The following GLT1D1 variants were observed in gnomAD, a reference collection of about 807,000 sequenced individuals.
GLT1D1 encodes the protein glycosyltransferase 1 domain containing 1, also known as glycosyltransferase 1 domain-containing protein 1.
GLT1D1 carries 21 observed loss-of-function variants against 28.7 expected under a neutral mutation model. That is an observed-to-expected ratio of 0.73 (90% CI 0.52 to 1.05). GLT1D1 has a LOEUF of 1.05. GLT1D1 is among the 50% of genes least tolerant of loss of function. The pLI, the probability that GLT1D1 is intolerant of heterozygous loss-of-function variation, is 0.00. For synonymous variants in GLT1D1, 147 were observed against 124.8 expected (o/e 1.18, Z -1.19); for missense variants, 343 against 330.6 (o/e 1.04, Z -0.29).
intron 1 of GLT1D1, among the ~76,000 whole-genome samples, chr12:128,857,476 G>T (rs535906790): frequency 1.3e-4 from 20 of 151,874 alleles, no homozygotes; most frequent in Middle Eastern, 3.4e-3. Context: ...GGAAGAAAAA[G>T]AAAAAAGCAG....
At chr12:128,925,936 A>G (rs1186233087) in intron 4 of GLT1D1, among the ~76,000 whole-genome samples, 1 of 152,166 alleles carries the variant, frequency 6.6e-6, no homozygotes, top group African/African-American at 2.4e-5. Flanking sequence ...CACGCCTGTA[A>G]TCCCAGCACT....
chr12:128,907,441 G>C (rs1287010927), intron 4 of GLT1D1, among the ~76,000 whole-genome samples: 1 of 151,974 alleles, frequency 6.6e-6, no homozygotes, highest in Non-Finnish European at 1.5e-5. Context: ...GAGTAGCTGG[G>C]ACTACAGGTG....
intron 4 of GLT1D1, among the ~76,000 whole-genome samples, chr12:128,929,284 G>A (rs1310743256): frequency 1.3e-5 from 2 of 152,180 alleles, no homozygotes; most frequent in Admixed American, 6.5e-5. Flanking sequence ...TAAGCTGCCT[G>A]GTCTGCAGCG....
At chr12:128,864,367 A>G (rs1442209657) in intron 1 of GLT1D1, among the ~76,000 whole-genome samples, 1 of 151,864 alleles carries the variant, frequency 6.6e-6, no homozygotes, top group Admixed American at 6.6e-5. Flanking sequence ...AATCCAGAAA[A>G]CTTAGGGAAG....
At chr12:128,853,748 A>C (rs10847702) in intron 1 of GLT1D1, 99 bp downstream of exon 1, 2 of 784,414 alleles carry the variant, frequency 2.5e-6, no homozygotes, top group Admixed American at 5.8e-5. Flanking sequence ...GGCCCCCTCC[A>C]GCCGCGCCGG....
At chr12:128,899,356 C>T in intron 4 of GLT1D1, 69 bp downstream of exon 4, 3 of 1,294,478 alleles carry the variant, frequency 2.3e-6, no homozygotes, top group Non-Finnish European at 3.4e-6. Flanking sequence ...AACCGAAAGG[C>T]AGCCTTACTG....
chr12:128,958,714 C>T (rs1330738946), intron 7 of GLT1D1, among the ~76,000 whole-genome samples: 1 of 118,590 alleles, frequency 8.4e-6, no homozygotes, highest in Non-Finnish European at 1.6e-5. Context: ...CACGCCACTG[C>T]ACTGTGTATA....
In GLT1D1 at chr12:128,954,814, G is replaced by A. The variant is rs184272838; in HGVS notation, c.541-2731G>A. Reference sequence around the variant, plus strand: ...AACATTTTTAAAAACATTAGCTGAGGATGGTGGCATGTGCCTGTAGTCCCA... The same window carrying A: ...AACATTTTTAAAAACATTAGCTGAGAATGGTGGCATGTGCCTGTAGTCCCA... On this transcript the variant is annotated intron_variant, in intron 6 of 7. Transcript: ENST00000281703. Among the ~76,000 whole-genome samples, 50 of 152,252 alleles carry A rather than the reference G, an allele frequency of 3.3e-4. No individual in the cohort carries two copies. The East Asian group carries it at 9.5e-3, about 29-fold the overall frequency.
chr12:128,948,867 A>G (rs1375063078), intron 6 of GLT1D1, among the ~76,000 whole-genome samples: 1 of 152,218 alleles, frequency 6.6e-6, no homozygotes, highest in Non-Finnish European at 1.5e-5. Context: ...TATAAAAGAA[A>G]AAAAAGACCC....
chr12:128,912,754 C>G (rs1217288853), intron 4 of GLT1D1, among the ~76,000 whole-genome samples: 1 of 151,878 alleles, frequency 6.6e-6, no homozygotes, highest in Non-Finnish European at 1.5e-5. Flanking sequence ...CCTCTGCCTC[C>G]TGGGTTAAAG....
In GLT1D1 at chr12:128,900,534, A is replaced by AGCATGGAG. The variant is rs377010992; in HGVS notation, c.375+1249_375+1256dup. Among the ~76,000 whole-genome samples the AGCATGGAG allele has an allele frequency of 3.7e-3, 559 of 152,268 alleles. 7 individuals carry two copies. Among genetic ancestry groups the AGCATGGAG allele is most frequent in the African/African-American group, 0.012 (517 of 41,558 alleles). ...TTTATATCAGACTTTTCCCAGGCAG[A>AGCATGGAG]GCATGGAGGTTGTATTTCCTAGTGC... On this transcript the variant is annotated intron_variant, in intron 4 of 7. Coordinates refer to ENST00000281703, the MANE Select transcript of GLT1D1 (RefSeq NM_144669.3).
chr12:128,978,824 T>C (rs470613), intron 7 of GLT1D1, among the ~76,000 whole-genome samples: 122,056 of 152,082 alleles, frequency 0.8, 49,031 homozygotes, highest in African/African-American at 0.85. Flanking sequence ...ATTATTCATG[T>C]CTCCCCTGTT....
intron 2 of GLT1D1, among the ~76,000 whole-genome samples, chr12:128,881,545 AAAAAAAAAAAAAAAAAATAT>A (rs1209350146): frequency 1.3e-5 from 1 of 74,386 alleles, no homozygotes; most frequent in Non-Finnish European, 2.5e-5. Context: ...AAAAAAAAAA[AAAAAAAAAAAAAAAAAATAT>A]ATATATATAT....
chr12:128,954,475 GGTTCTAAGGTCACCT>G (rs1877072590), intron 6 of GLT1D1, among the ~76,000 whole-genome samples: 1 of 152,082 alleles, frequency 6.6e-6, no homozygotes, highest in African/African-American at 2.4e-5. Context: ...CTCGAGGTCT[GGTTCTAAGGTCACCT>G]GTTTTTCACT....
In GLT1D1 at chr12:128,931,921, A is replaced by ACACGCACGCG. The variant is rs547275422; in HGVS notation, c.376-13402_376-13401insGCACGCGCAC. 3.9e-5 allele frequency among the ~76,000 whole-genome samples: 5 copies of ACACGCACGCG among 127,656 alleles called. No individual in the cohort carries two copies. The East Asian group carries it at 8.3e-4, about 21-fold the overall frequency. 83.7% of individuals were successfully genotyped at this position (127,656 alleles called of 152,430 possible). A position where few individuals can be genotyped will look rare whatever the true frequency, so the allele number is the denominator to read the frequency against. On this transcript the variant is annotated intron_variant, in intron 4 of 7. Transcript: ENST00000281703. ...GATATGTGCACACACACGCACGCAC[A>ACACGCACGCG]CACACACACACACACACACAACGTT... is the stretch of plus-strand genomic sequence containing the variant.
At chr12:128,920,362 T>C (rs1300350059) in intron 4 of GLT1D1, among the ~76,000 whole-genome samples, 2 of 152,176 alleles carry the variant, frequency 1.3e-5, no homozygotes, top group Non-Finnish European at 2.9e-5. Context: ...AAGACCAGCT[T>C]GACCAACATG....
intron 1 of GLT1D1, among the ~76,000 whole-genome samples, chr12:128,873,965 CTTT>C (rs1338741603): frequency 8.4e-6 from 1 of 119,604 alleles, no homozygotes; most frequent in Non-Finnish European, 1.7e-5. Context: ...CTGTTTCTGT[CTTT>C]TTCTTTTCTT....
At chr12:128,950,891 G>A (rs1876625681) in intron 6 of GLT1D1, among the ~76,000 whole-genome samples, 1 of 152,200 alleles carries the variant, frequency 6.6e-6, no homozygotes, top group African/African-American at 2.4e-5. Flanking sequence ...GGAGTGTGGG[G>A]AGTGGGGAGA....
intron 3 of GLT1D1, among the ~76,000 whole-genome samples, chr12:128,896,955 C>T (rs971692767): frequency 4.6e-5 from 7 of 152,256 alleles, no homozygotes; most frequent in South Asian, 4.1e-4. Context: ...TCTAACGCTA[C>T]GAACATGTGA....
Sources: allele counts gnomAD v4.1 joint callset (sites outside exome capture counted in the v4.1 genomes callset), GRCh38; gene constraint gnomAD v4.1.1; transcripts MANE v1.5; gene names NCBI Gene and HGNC (gene_info 2026-07-23, HGNC 2026-07-21).